Variants in CCDC33 observed in about 807,000 individuals in gnomAD.
CCDC33 encodes coiled-coil domain-containing protein 33.
In CCDC33, 94 loss-of-function variants were observed where a neutral mutation model predicts 91.9. That is an observed-to-expected ratio of 1.02 (90% confidence interval 0.87 to 1.21). CCDC33 has a LOEUF of 1.21. Among genes scored for constraint, CCDC33 ranks in the 50% most tolerant of loss-of-function variants. The pLI is 0.00. For synonymous variants in CCDC33, 396 were observed against 374.5 expected (o/e 1.06, Z -0.66); for missense variants, 940 against 935.5 (o/e 1.00, Z -0.06).
intron 5 of CCDC33, among the ~76,000 whole-genome samples, chr15:74,269,111 G>A (rs182052784): frequency 2.8e-4 from 42 of 152,020 alleles, no homozygotes; most frequent in Non-Finnish European, 2.2e-4. Context: ...TAGCAGCTTT[G>A]GGAGGAACTC....
At chr15:74,286,841 T>G (rs555553130) in intron 10 of CCDC33, among the ~76,000 whole-genome samples, 1 of 152,174 alleles carries the variant, frequency 6.6e-6, no homozygotes, top group East Asian at 1.9e-4. Context: ...GAGGTGGCAG[T>G]GGCACCTGCT....
At chr15:74,249,710 T>A (rs1004632241) in intron 2 of CCDC33, among the ~76,000 whole-genome samples, 1 of 152,162 alleles carries the variant, frequency 6.6e-6, no homozygotes. Context: ...GGTAAATTGC[T>A]TATTGAAACT....
At chr15:74,298,532 G>GTTTT in intron 11 of CCDC33, among the ~76,000 whole-genome samples, 1 of 152,032 alleles carries the variant, frequency 6.6e-6, no homozygotes, top group Admixed American at 6.6e-5. Context: ...GTGTTTTTTG[G>GTTTT]TTTTTTGTTT....
At chr15:74,211,320 C>T (rs991012105) in intron 2 of CCDC33, among the ~76,000 whole-genome samples, 1 of 151,330 alleles carries the variant, frequency 6.6e-6, no homozygotes, top group African/African-American at 2.4e-5. Flanking sequence ...GGACACACCT[C>T]TCAATACTCT....
intron 11 of CCDC33, among the ~76,000 whole-genome samples, chr15:74,315,342 C>G (rs1191437607): frequency 6.6e-6 from 1 of 152,222 alleles, no homozygotes; most frequent in Non-Finnish European, 1.5e-5. Context: ...ATGAGCCCTG[C>G]CCTTGCGGAC....
At chr15:74,278,019 G>A (rs2076493641) in intron 7 of CCDC33, among the ~76,000 whole-genome samples, 1 of 152,150 alleles carries the variant, frequency 6.6e-6, no homozygotes. Flanking sequence ...CATGGTTTGG[G>A]GATCAATCTT....
upstream of CCDC33, among the ~76,000 whole-genome samples, chr15:74,214,089 G>A (rs747912032): frequency 8.6e-5 from 13 of 152,044 alleles, no homozygotes; most frequent in Admixed American, 1.3e-4. Flanking sequence ...GAGGTGGATC[G>A]TTGAAGATAG....
chr15:74,203,383 G>A (rs2074171417), intron 1 of CCDC33, among the ~76,000 whole-genome samples: 1 of 152,184 alleles, frequency 6.6e-6, no homozygotes, highest in South Asian at 2.1e-4. Flanking sequence ...CCAGGGAGGA[G>A]GGCTCCTCCG....
intron 9 of CCDC33, 59 bp downstream of exon 9, chr15:74,280,860 A>C (rs1596018181): frequency 7.3e-7 from 1 of 1,363,866 alleles, no homozygotes. Context: ...ACCCTGCCTC[A>C]CCCTGCCCCA....
intron 11 of CCDC33, among the ~76,000 whole-genome samples, chr15:74,319,005 GAGCCTGGGCT>G (rs1028339662): frequency 6.6e-6 from 1 of 152,200 alleles, no homozygotes; most frequent in Non-Finnish European, 1.5e-5. Flanking sequence ...GAAAGTGGCT[GAGCCTGGGCT>G]AGCCTGGGAA....
At chr15:74,226,679 T>G (rs2074806740) in intron 2 of CCDC33, among the ~76,000 whole-genome samples, 1 of 151,880 alleles carries the variant, frequency 6.6e-6, no homozygotes, top group African/African-American at 2.4e-5. Flanking sequence ...AATACAAAAA[T>G]TAGCCCGTCG....
chr15:74,260,881 G>A (rs1296084146), intron 2 of CCDC33, among the ~76,000 whole-genome samples: 1 of 152,188 alleles, frequency 6.6e-6, no homozygotes, highest in East Asian at 1.9e-4. Flanking sequence ...AATAATTTAA[G>A]GTACTAAGAA....
chr15:74,228,841 C>T (rs769977726), intron 2 of CCDC33, among the ~76,000 whole-genome samples: 9 of 152,172 alleles, frequency 5.9e-5, no homozygotes, highest in African/African-American at 1.4e-4. Flanking sequence ...GCTGCAAATG[C>T]GATTTCATGG....
intron 11 of CCDC33, chr15:74,304,622 G>C (rs891309065): frequency 6.6e-6 from 1 of 152,454 alleles, no homozygotes; most frequent in South Asian, 2.1e-4. Flanking sequence ...CCCCCTGCAG[G>C]CCAGTCCCCT....
intron 2 of CCDC33, among the ~76,000 whole-genome samples, chr15:74,252,112 C>G (rs2075728806): frequency 6.6e-6 from 1 of 152,194 alleles, no homozygotes; most frequent in Non-Finnish European, 1.5e-5. Flanking sequence ...ATTTCAAAAT[C>G]TAAAAGCTCC....
intron 2 of CCDC33, among the ~76,000 whole-genome samples, chr15:74,252,131 C>T (rs1374650986): frequency 6.6e-6 from 1 of 152,216 alleles, no homozygotes; most frequent in Non-Finnish European, 1.5e-5. Context: ...CCCTCCACCT[C>T]ATTCTTTGCC....
Position 74,272,861 on chromosome 15 carries a change from G to T in CCDC33, c.729G>T (p.Val243=), listed in dbSNP as rs752172236. The part of the protein sequence containing the change: ...FPIPSMMNFD[V]PRVSQNGCPQ... ...TCCCGTCCATGATGAACTTTGACGT[G>T]CCTCGCGTCAGCCAGAACGGATGCC... The change falls in exon 7 of 19, where the codon GTG becomes GTT. Residue 243 remains valine (V), a synonymous_variant. Coordinates refer to ENST00000398814, the MANE Select transcript of CCDC33 (RefSeq NM_025055.5). 6.2e-7 allele frequency: 1 copy of T among 1,614,246 alleles called. No homozygotes were observed. The highest frequency in any genetic ancestry group is 1.3e-5 in the African/African-American group (1 of 75,076).
Position 74,331,186 on chromosome 15 carries a change from T to C in CCDC33, c.1678-17T>C. The C allele has an allele frequency of 6.2e-7, 1 of 1,614,108 alleles. No homozygotes were observed. Among genetic ancestry groups the C allele is most frequent in the East Asian group, 2.2e-5 (1 of 44,876 alleles). ...AGGGAGCCCCTGGGCCAGCCCAGCCTCTGCTCTGCTCTCCAGGTGATCGAG... is the reference window on the plus strand; with the variant it reads ...AGGGAGCCCCTGGGCCAGCCCAGCCCCTGCTCTGCTCTCCAGGTGATCGAG... On this transcript the variant is annotated splice_polypyrimidine_tract_variant and intron_variant, in intron 14 of 18. Coordinates refer to ENST00000398814, the MANE Select transcript of CCDC33 (RefSeq NM_025055.5).
chr15:74,238,409 C>CA (rs557444250), intron 1 of CCDC33, among the ~76,000 whole-genome samples: 2,225 of 66,406 alleles, frequency 0.034, 29 homozygotes, highest in African/African-American at 0.045. Context: ...AACTCCATCT[C>CA]AAAAAAAAAA....
Sources: gnomAD v4.1 joint callset for allele counts (sites outside exome capture counted in the v4.1 genomes callset) on GRCh38, gnomAD v4.1.1 for gene constraint, MANE v1.5 for transcripts, NCBI Gene and HGNC (gene_info 2026-07-23, HGNC 2026-07-21) for gene names.